C2orf76: variants seen among roughly 807,000 people sequenced by gnomAD.
The protein encoded by C2orf76 is UPF0538 protein C2orf76.
Under a neutral mutation model 16.9 loss-of-function variants are expected in C2orf76, and 23 were observed. The observed-to-expected ratio is 1.36, with a 90% CI of 0.98 to 1.93. The LOEUF (loss-of-function observed/expected upper bound fraction) is 1.93. Ranked by LOEUF, C2orf76 falls within the 30% of genes most tolerant of loss-of-function variation. The pLI is 0.00. For missense variants in C2orf76, 152 were observed against 152.6 expected, an observed-to-expected ratio of 1.00 and a Z score of 0.02; for synonymous variants, 48 against 52.3, an observed-to-expected ratio of 0.92 and a Z score of 0.35.
chr2:119,335,509 G>A (rs929866799), intron 2 of C2orf76, among the ~76,000 whole-genome samples: 1 of 152,198 alleles, frequency 6.6e-6, no homozygotes, highest in Admixed American at 6.5e-5. Context: ...AATTGAAAGA[G>A]CTCCCAAACC....
downstream of C2orf76, among the ~76,000 whole-genome samples, chr2:119,300,689 A>G (rs540744468): frequency 6.6e-6 from 1 of 152,358 alleles, no homozygotes; most frequent in East Asian, 1.9e-4. Context: ...TCTACCTTAC[A>G]TATGCTCAGA....
chr2:119,300,064 A>C (rs1678593525), downstream of C2orf76, among the ~76,000 whole-genome samples: 1 of 152,172 alleles, frequency 6.6e-6, no homozygotes, highest in South Asian at 2.1e-4. Context: ...GGAAGTCAGG[A>C]TTTTAAGACA....
At chr2:119,344,718 G>C (rs992612796) in intron 1 of C2orf76, among the ~76,000 whole-genome samples, 1 of 152,084 alleles carries the variant, frequency 6.6e-6, no homozygotes, top group African/African-American at 2.4e-5. Flanking sequence ...CTGTTACATA[G>C]GAAAAAGCTT....
intron 1 of C2orf76, among the ~76,000 whole-genome samples, chr2:119,347,982 T>C (rs1244168069): frequency 7.1e-6 from 1 of 140,182 alleles, no homozygotes; most frequent in Non-Finnish European, 1.5e-5. Context: ...GAGGCTGCAG[T>C]GAGCTATGTA....
intron 1 of C2orf76, among the ~76,000 whole-genome samples, chr2:119,342,486 C>T (rs1362144392): frequency 6.6e-6 from 1 of 151,930 alleles, no homozygotes; most frequent in Non-Finnish European, 1.5e-5. Context: ...GTGGCGGGTT[C>T]CTGAAATCCC....
chr2:119,296,865 G>T, the C2orf76 span, among the ~76,000 whole-genome samples: 1 of 152,202 alleles, frequency 6.6e-6, no homozygotes. Context: ...CTGTCTCTTG[G>T]CTGTGGTTGA....
At chr2:119,292,417 G>C in the C2orf76 span, among the ~76,000 whole-genome samples, 1 of 152,122 alleles carries the variant, frequency 6.6e-6, no homozygotes, top group Admixed American at 6.5e-5. Context: ...GACCGCCTCC[G>C]GGCATACGCA....
intron 5 of C2orf76, among the ~76,000 whole-genome samples, chr2:119,305,948 A>C (rs368267539): frequency 0.011 from 1,659 of 151,500 alleles, 26 homozygotes; most frequent in African/African-American, 0.037. Context: ...ACAACAAAAA[A>C]AAAAAAAAAC....
At chr2:119,294,400 G>C in the C2orf76 span, among the ~76,000 whole-genome samples, 2 of 152,210 alleles carry the variant, frequency 1.3e-5, no homozygotes, top group Admixed American at 6.5e-5. Context: ...GTGAAGGGAA[G>C]ATGGGGCGGC....
chr2:119,308,129 T>TA (rs1202575957), intron 5 of C2orf76, among the ~76,000 whole-genome samples: 3 of 152,090 alleles, frequency 2.0e-5, no homozygotes, highest in South Asian at 2.1e-4. Flanking sequence ...GTTTATACTT[T>TA]TAAAAAAAAT....
chr2:119,367,046 G>T (rs3209863), upstream of C2orf76: 1 of 1,614,092 alleles, frequency 6.2e-7, no homozygotes, highest in South Asian at 1.1e-5. Flanking sequence ...TTGCAAGTCG[G>T]CCAGGATGTC....
chr2:119,289,609 C>A, the C2orf76 span, among the ~76,000 whole-genome samples: 1 of 151,854 alleles, frequency 6.6e-6, no homozygotes, highest in African/African-American at 2.4e-5. Context: ...TCGATTGAAC[C>A]CAGGAGGCGG....
the C2orf76 span, among the ~76,000 whole-genome samples, chr2:119,290,690 C>A: frequency 6.6e-6 from 1 of 151,862 alleles, no homozygotes; most frequent in Non-Finnish European, 1.5e-5. Context: ...ATTAGCCTGG[C>A]GTGGCATTGC....
intron 1 of C2orf76, among the ~76,000 whole-genome samples, chr2:119,341,772 T>C (rs776734275): frequency 3.3e-5 from 5 of 152,198 alleles, no homozygotes; most frequent in Non-Finnish European, 5.9e-5. Context: ...AGGAAAGATA[T>C]ACAATATCAC....
intron 1 of C2orf76, among the ~76,000 whole-genome samples, chr2:119,344,309 C>T (rs904074166): frequency 6.6e-6 from 1 of 152,186 alleles, no homozygotes; most frequent in Non-Finnish European, 1.5e-5. Context: ...ATAATAAAAT[C>T]TGACATTTTT....
At chr2:119,355,728 A>G (rs1374631161) in intron 1 of C2orf76, among the ~76,000 whole-genome samples, 1 of 152,138 alleles carries the variant, frequency 6.6e-6, no homozygotes, top group African/African-American at 2.4e-5. Flanking sequence ...GTTTCAACCC[A>G]AAACCATCCC....
chr2:119,360,847 A>G (rs1441605828), intron 1 of C2orf76, among the ~76,000 whole-genome samples: 2 of 152,270 alleles, frequency 1.3e-5, no homozygotes, highest in African/African-American at 4.8e-5. Flanking sequence ...ATGAATCACC[A>G]CAGAATTATT....
chr2:119,299,657 G>T (rs140011612), downstream of C2orf76, among the ~76,000 whole-genome samples: 852 of 151,642 alleles, frequency 5.6e-3, 6 homozygotes, highest in African/African-American at 0.019. Context: ...ATTTATTTTT[G>T]ATTTTTTTTC....
intron 2 of C2orf76, among the ~76,000 whole-genome samples, chr2:119,330,142 G>T (rs908819591): frequency 3.9e-5 from 6 of 152,164 alleles, no homozygotes; most frequent in African/African-American, 1.4e-4. Context: ...GGGAGGCTGA[G>T]GAGGGCAGAC....
Sources: allele counts gnomAD v4.1 joint callset (sites outside exome capture counted in the v4.1 genomes callset), GRCh38; gene constraint gnomAD v4.1.1; transcripts MANE v1.5; gene names NCBI Gene and HGNC (gene_info 2026-07-23, HGNC 2026-07-21).